The following DDX19A variants were observed in gnomAD, a reference collection of about 807,000 sequenced individuals.
The protein encoded by DDX19A is ATP-dependent RNA helicase DDX19A.
DDX19A carries 12 observed loss-of-function variants against 60.6 expected under a neutral mutation model. The ratio of observed to expected loss-of-function variants is 0.20; its 90% CI spans 0.13 to 0.32. The LOEUF (loss-of-function observed/expected upper bound fraction) is 0.32, where lower values mean the gene tolerates loss of function less well. DDX19A is among the 10% of genes least tolerant of loss of function. The probability of loss-of-function intolerance (pLI) is 1.00; values close to 1 mark genes in which losing one functional copy is unlikely to be tolerated. For missense variants in DDX19A, 337 were observed against 600.6 expected (o/e 0.56, Z 4.59); for synonymous variants, 206 against 218.2 (o/e 0.94, Z 0.49).
At chr16:70,355,026 A>G (rs1052929985) in intron 2 of DDX19A, among the ~76,000 whole-genome samples, 6 of 152,204 alleles carry the variant, frequency 3.9e-5, no homozygotes, top group African/African-American at 9.6e-5. Flanking sequence ...TTCTAGAAAT[A>G]AAAATTCACT....
intron 9 of DDX19A, among the ~76,000 whole-genome samples, chr16:70,369,173 G>GTTTTT (rs560443179): frequency 8.3e-5 from 8 of 96,332 alleles, no homozygotes; most frequent in Admixed American, 1.2e-4. Flanking sequence ...GGCCAATCTG[G>GTTTTT]TTTTTTTTTT....
At chr16:70,351,748 T>C (rs1226551232) in intron 2 of DDX19A, among the ~76,000 whole-genome samples, 1 of 151,766 alleles carries the variant, frequency 6.6e-6, no homozygotes, top group African/African-American at 2.4e-5. Flanking sequence ...CAGGATGGTC[T>C]CGATGTCCTG....
chr16:70,364,460 AT>A, intron 5 of DDX19A, 82 bp from the exon 6 acceptor site: 1 of 1,056,132 alleles, frequency 9.5e-7, no homozygotes, highest in Non-Finnish European at 1.5e-6. Context: ...AGGGGGAAAT[AT>A]GCCTTTCATT....
chr16:70,356,604 T>A (rs1467573878), intron 4 of DDX19A, among the ~76,000 whole-genome samples: 1 of 152,012 alleles, frequency 6.6e-6, no homozygotes, highest in Non-Finnish European at 1.5e-5. Flanking sequence ...GTGATCTGCC[T>A]GCCTCGGCCT....
intron 1 of DDX19A, among the ~76,000 whole-genome samples, chr16:70,349,825 C>T (rs1963958815): frequency 1.3e-5 from 2 of 152,148 alleles, no homozygotes; most frequent in South Asian, 4.1e-4. Flanking sequence ...CCTAAACATA[C>T]TTGGTATCTG....
chr16:70,357,366 G>GTTTTTTTTTTTTTTTTT lies in DDX19A; in HGVS notation c.293+1139_293+1155dup, dbSNP rs71151183. 7.9e-4 allele frequency among the ~76,000 whole-genome samples: 35 copies of GTTTTTTTTTTTTTTTTT among 44,580 alleles called. 16 individuals are homozygous for GTTTTTTTTTTTTTTTTT. The highest frequency in any genetic ancestry group is 3.9e-3 in the South Asian group (4 of 1,014). The allele number at this position is 44,580 out of a possible 152,430, so 29.2% of individuals were successfully genotyped here. A position where few individuals can be genotyped will look rare whatever the true frequency, so the allele number is the denominator to read the frequency against. On this transcript the variant is annotated intron_variant, in intron 4 of 11. Transcript: ENST00000302243. ...AATCTGTCAAATCTGTTTTTGGTTT[G>GTTTTTTTTTTTTTTTTT]TTTTTTTTTTTTTTTTTTTTTTTTT...
intron 8 of DDX19A, 172 bp downstream of exon 8, chr16:70,366,434 G>T: frequency 8.0e-7 from 1 of 1,251,676 alleles, no homozygotes; most frequent in East Asian, 2.5e-5. Flanking sequence ...CTCCCAACCT[G>T]GGTTGAGAAA....
chr16:70,364,744 T>G, intron 6 of DDX19A, 99 bp downstream of exon 6: 1 of 913,804 alleles, frequency 1.1e-6, no homozygotes, highest in Non-Finnish European at 1.8e-6. Context: ...TCTGACACCT[T>G]AGGCTGTGGC....
At position 70,371,562 on chromosome 16, in the gene DDX19A, T is replaced by C. The variant is rs746105722; in HGVS notation, c.1374T>C (p.Phe458=). 1 of 1,451,684 alleles carries C rather than the reference T, an allele frequency of 6.9e-7. No individual in the cohort carries two copies. Among genetic ancestry groups the C allele is most frequent in the South Asian group, 1.4e-5 (1 of 73,896 alleles). The allele number at this position is 1,451,684 out of a possible 1,614,324, so 89.9% of individuals were successfully genotyped here. ...MNILNRIQEH[F]NKKIERLDTD... ...TCCTGAACAGAATCCAGGAGCATTT[T>C]AGTGAGTCCCGGGGAGGGTCCTGTG... Residue 458 remains phenylalanine (F), a splice_region_variant and synonymous_variant, in exon 11 of 12, where the codon TTT becomes TTC. Coordinates refer to ENST00000302243, the MANE Select transcript of DDX19A (RefSeq NM_018332.5).
At chr16:70,356,057 A>C (rs1964175573) in intron 3 of DDX19A, 55 bp from the exon 4 acceptor site, 1 of 1,607,540 alleles carries the variant, frequency 6.2e-7, no homozygotes, top group Non-Finnish European at 8.5e-7. Context: ...GAGTGGCTTC[A>C]TAAGCCTGGG....
chr16:70,361,054 A>G (rs980926833), intron 4 of DDX19A, among the ~76,000 whole-genome samples: 2 of 152,134 alleles, frequency 1.3e-5, no homozygotes, highest in Non-Finnish European at 2.9e-5. Context: ...GTTTTTAGAT[A>G]TATCTTTTAT....
At chr16:70,357,163 G>A (rs966741834) in intron 4 of DDX19A, among the ~76,000 whole-genome samples, 2 of 150,280 alleles carry the variant, frequency 1.3e-5, no homozygotes, top group Non-Finnish European at 3.0e-5. Context: ...CGGAGGCTGA[G>A]GCAGGAGATC....
At position 70,346,921 on chromosome 16, in the gene DDX19A, C is replaced by G. The variant is rs747643245; in HGVS notation, c.-71C>G. The G allele has an allele frequency of 1.0e-5, 15 of 1,496,398 alleles. No individual in the cohort carries two copies. Among genetic ancestry groups the G allele is most frequent in the Middle Eastern group, 1.7e-4 (1 of 5,836 alleles). The allele number at this position is 1,496,398 out of a possible 1,614,324, so 92.7% of individuals were successfully genotyped here. ...GTGAGGTGCATTCTCGCGCCGGTGGCGAGGTTAGGGCCCGCGTTGCGACGT... is the reference window on the plus strand; with the variant it reads ...GTGAGGTGCATTCTCGCGCCGGTGGGGAGGTTAGGGCCCGCGTTGCGACGT... On this transcript the variant is annotated 5_prime_UTR_variant, in exon 1 of 12. Coordinates refer to ENST00000302243, the MANE Select transcript of DDX19A (RefSeq NM_018332.5).
Position 70,366,732 on chromosome 16 carries a change from G to A in DDX19A, c.891G>A (p.Lys297=), listed in dbSNP as rs139353819. ...VVPDPNVIKL[K]REEETLDTIK... The stretch of plus-strand genomic sequence containing the variant: ...CAGACCCAAATGTTATCAAACTGAA[G>A]CGTGAGGAAGAGACCCTGGATACCA... Residue 297 remains lysine, a synonymous_variant, in exon 9 of 12, where the codon AAG becomes AAA. Coordinates refer to ENST00000302243, the MANE Select transcript of DDX19A (RefSeq NM_018332.5). The A allele has an allele frequency of 2.4e-5, 38 of 1,614,118 alleles. No individual in the cohort carries two copies. The highest frequency in any genetic ancestry group is 3.4e-6 in the Non-Finnish European group (4 of 1,180,054).
intron 5 of DDX19A, 90 bp downstream of exon 5, chr16:70,361,600 G>A (rs775466297): frequency 1.3e-4 from 123 of 979,176 alleles, no homozygotes; most frequent in Non-Finnish European, 1.7e-4. Context: ...AGAAGGAGCT[G>A]TTTGGGGCCA....
chr16:70,361,608 C>A, intron 5 of DDX19A, 98 bp downstream of exon 5: 2 of 860,240 alleles, frequency 2.3e-6, no homozygotes, highest in Non-Finnish European at 3.7e-6. Context: ...CTGTTTGGGG[C>A]CACGTGTTTC....
At chr16:70,367,618 C>T (rs934439010) in intron 9 of DDX19A, among the ~76,000 whole-genome samples, 3 of 152,150 alleles carry the variant, frequency 2.0e-5, no homozygotes, top group African/African-American at 4.8e-5. Context: ...TGGCTCATGC[C>T]TGTAATCCCA....
intron 2 of DDX19A, among the ~76,000 whole-genome samples, chr16:70,353,983 TCTC>T (rs1341790382): frequency 6.6e-6 from 1 of 152,012 alleles, no homozygotes; most frequent in Non-Finnish European, 1.5e-5. Context: ...CTCAAGCTGT[TCTC>T]CTGCCTCAGC....
rs1432865389 is a variant in DDX19A at position 70,365,973 on chromosome 16, T to G, written c.605-112T>G. ...CTGAGGGGAACACTCATGTGTGTTTTGAAATCTGGAAATAACTTGTTCTCC... is the reference window on the plus strand; with the variant it reads ...CTGAGGGGAACACTCATGTGTGTTTGGAAATCTGGAAATAACTTGTTCTCC... On this transcript the variant is annotated intron_variant, in intron 7 of 11. Transcript: ENST00000302243. The G allele has an allele frequency of 2.0e-6, 3 of 1,525,080 alleles. No individual in the cohort carries two copies. In the South Asian group the frequency reaches 3.5e-5, roughly 18 times the overall value. The allele number at this position is 1,525,080 out of a possible 1,614,324, so 94.5% of individuals were successfully genotyped here.
Sources: allele counts gnomAD v4.1 joint callset (sites outside exome capture counted in the v4.1 genomes callset), GRCh38; gene constraint gnomAD v4.1.1; transcripts MANE v1.5; gene names NCBI Gene and HGNC (gene_info 2026-07-23, HGNC 2026-07-21).